PCSK6: variants seen among roughly 807,000 people sequenced by gnomAD.
PCSK6 encodes paired basic amino acid cleaving enzyme 4.
Under a neutral mutation model 123.3 loss-of-function variants are expected in PCSK6, and 85 were observed. The ratio of observed to expected loss-of-function variants is 0.69; its 90% CI spans 0.58 to 0.83. The LOEUF is 0.83. Among genes scored for constraint, PCSK6 ranks in the 40% least tolerant of loss-of-function variants. The probability of loss-of-function intolerance (pLI) is 0.00; values close to 1 mark genes in which losing one functional copy is unlikely to be tolerated. For synonymous variants in PCSK6, 508 were observed against 516.0 expected, an observed-to-expected ratio of 0.98 and a Z score of 0.21; for missense variants, 1,191 against 1,282.3, an observed-to-expected ratio of 0.93 and a Z score of 1.09.
rs544092462 is a variant in PCSK6, at chr15:101,411,383, T to C, written c.824-12807A>G. On this transcript the variant is annotated intron_variant, in intron 6 of 21. Transcript: ENST00000611716. ...TCCTAAGGCCAGAGCACCAGGACGA[T>C]GCCCTGGGAGCGGGGAGTCCGCCTC... Among the ~76,000 whole-genome samples the C allele has an allele frequency of 7.2e-5, 11 of 152,160 alleles. No individual in the cohort carries two copies. In the East Asian group the frequency reaches 1.9e-3, roughly 27 times the overall value.
At chr15:101,403,627 G>T (rs1235478582) in intron 6 of PCSK6, among the ~76,000 whole-genome samples, 1 of 152,168 alleles carries the variant, frequency 6.6e-6, no homozygotes, top group African/African-American at 2.4e-5. Flanking sequence ...CCCACTGGGG[G>T]CCTCTACTTC....
At chr15:101,459,213 A>T (rs2057270973) in intron 1 of PCSK6, among the ~76,000 whole-genome samples, 1 of 152,112 alleles carries the variant, frequency 6.6e-6, no homozygotes, top group African/African-American at 2.4e-5. Context: ...GCTTCCTCAC[A>T]CACCCTTGGC....
At chr15:101,429,702 A>G (rs1255445149) in intron 5 of PCSK6, among the ~76,000 whole-genome samples, 1 of 152,226 alleles carries the variant, frequency 6.6e-6, no homozygotes, top group African/African-American at 2.4e-5. Flanking sequence ...TCTCTTTTAA[A>G]ATATTTCAAG....
chr15:101,343,146 G>A (rs988756273), intron 13 of PCSK6, among the ~76,000 whole-genome samples: 2 of 151,952 alleles, frequency 1.3e-5, no homozygotes, highest in African/African-American at 4.8e-5. Context: ...TTTTTTCTTG[G>A]AATTTGTTCA....
At chr15:101,389,039 T>C (rs912058806) in intron 9 of PCSK6, among the ~76,000 whole-genome samples, 7 of 152,174 alleles carry the variant, frequency 4.6e-5, no homozygotes, top group Non-Finnish European at 8.8e-5. Context: ...ATGAGATTAT[T>C]AGGGTGGGCC....
intron 1 of PCSK6, among the ~76,000 whole-genome samples, chr15:101,444,014 T>C (rs934047936): frequency 4.6e-5 from 7 of 152,146 alleles, no homozygotes; most frequent in African/African-American, 4.8e-5. Context: ...AGTAGCTAAG[T>C]TGGTGTCAAG....
chr15:101,315,531 G>C lies in PCSK6; in HGVS notation c.2570-2026C>G, dbSNP rs564795159. On this transcript the variant is annotated intron_variant, in intron 19 of 21. Transcript: ENST00000611716. ...GGGCCCAGTATAAAGTGAAAACATG[G>C]AGCCTTTGTTCAGAAAGCTGGAAGA... Among the ~76,000 whole-genome samples, 26 of 152,364 alleles carry C rather than the reference G, an allele frequency of 1.7e-4. No homozygotes were observed. In the South Asian group the frequency reaches 5.4e-3, roughly 32 times the overall value.
rs115899959 is a variant in PCSK6, at chr15:101,436,024, C to T, written c.403-3924G>A. 4.7e-3 allele frequency among the ~76,000 whole-genome samples: 718 copies of T among 152,304 alleles called. 6 individuals are homozygous for T. The highest frequency in any genetic ancestry group is 0.016 in the African/African-American group (654 of 41,572). ...TATCATTCCCAGGTGTGACAAGCGA[C>T]AGGGGAGGGTGTTTTGAAACTTTCA... On this transcript the variant is annotated intron_variant, in intron 2 of 21. Transcript: ENST00000611716.
chr15:101,346,830 C>G (rs889329604), intron 13 of PCSK6: 1 of 1,231,352 alleles, frequency 8.1e-7, no homozygotes, highest in Non-Finnish European at 1.0e-6. Flanking sequence ...GATACAGAAC[C>G]GACTAAACAA....
chr15:101,473,479 C>T (rs1268083316), intron 1 of PCSK6, among the ~76,000 whole-genome samples: 1 of 152,098 alleles, frequency 6.6e-6, no homozygotes, highest in African/African-American at 2.4e-5. Flanking sequence ...CTGATTTGAC[C>T]AAATATCAGA....
At chr15:101,391,515 A>T (rs1157536969) in intron 8 of PCSK6, among the ~76,000 whole-genome samples, 2 of 152,214 alleles carry the variant, frequency 1.3e-5, no homozygotes, top group African/African-American at 4.8e-5. Flanking sequence ...CAGTGAACGA[A>T]CATACCCTCT....
chr15:101,375,729 T>C (rs1023199353), intron 11 of PCSK6, among the ~76,000 whole-genome samples: 1 of 152,138 alleles, frequency 6.6e-6, no homozygotes, highest in Non-Finnish European at 1.5e-5. Flanking sequence ...GCAGCTCTCA[T>C]GCCATAAATA....
chr15:101,423,784 A>C (rs2056162022), intron 6 of PCSK6, among the ~76,000 whole-genome samples: 2 of 152,198 alleles, frequency 1.3e-5, no homozygotes, highest in Non-Finnish European at 2.9e-5. Context: ...AAATATTGAC[A>C]ATTTTTTTTC....
chr15:101,407,025 C>G (rs1368457698), intron 6 of PCSK6, among the ~76,000 whole-genome samples: 1 of 152,116 alleles, frequency 6.6e-6, no homozygotes. Context: ...AGCTGTGTCA[C>G]GGACACAGGT....
chr15:101,489,159 TC>T lies in PCSK6; in HGVS notation c.297+214del, dbSNP rs1336085960. On this transcript the variant is annotated intron_variant, in intron 1 of 21. Transcript: ENST00000611716. Reference sequence around the variant, plus strand: ...CGTGGGCGCCCACGCGGGACCCCAGTCCCCCCCACCCCGCCGAGTGTCCCGC... The same window carrying T: ...CGTGGGCGCCCACGCGGGACCCCAGTCCCCCCACCCCGCCGAGTGTCCCGC... Among the ~76,000 whole-genome samples the T allele has an allele frequency of 3.1e-4, 10 of 32,612 alleles. 1 individual carries two copies. Among genetic ancestry groups the T allele is most frequent in the Admixed American group, 9.2e-4 (4 of 4,370 alleles). 21.4% of individuals were successfully genotyped at this position (32,612 alleles called of 152,430 possible).
Position 101,489,515 on chromosome 15 carries a change from CA to C in PCSK6, c.155del (p.Leu52ArgfsTer69), listed in dbSNP as rs1470537882. ...RPLAPRPWRW[L>X]LLLALPAACS... ...AGGCGGCAGGCAGCGCCAGCAGCAGCAGCCAGCGCCAGGGACGCGGCGCGAG... is the reference window on the plus strand; with the variant it reads ...AGGCGGCAGGCAGCGCCAGCAGCAGCGCCAGCGCCAGGGACGCGGCGCGAG... On this transcript the variant is annotated frameshift_variant, in exon 1 of 22. Coordinates refer to ENST00000611716, the MANE Select transcript of PCSK6 (RefSeq NM_002570.5). LOFTEE classifies it high-confidence loss of function. 4.8e-6 allele frequency: 5 copies of C among 1,034,896 alleles called. No individual in the cohort carries two copies. Among genetic ancestry groups the C allele is most frequent in the Non-Finnish European group, 5.8e-6 (5 of 864,422 alleles). 64.1% of individuals were successfully genotyped at this position (1,034,896 alleles called of 1,614,324 possible).
chr15:101,389,426 C>T (rs761679373), intron 9 of PCSK6, 38 bp downstream of exon 9: 23 of 1,237,460 alleles, frequency 1.9e-5, no homozygotes, highest in Non-Finnish European at 2.6e-5. Context: ...ACAATCTAAA[C>T]ATTTTTTTTT....
chr15:101,475,418 G>A (rs561552895), intron 1 of PCSK6, among the ~76,000 whole-genome samples: 2 of 152,138 alleles, frequency 1.3e-5, no homozygotes, highest in South Asian at 4.1e-4. Context: ...GAAAAAATGG[G>A]CAAAGAATAT....
At chr15:101,415,229 G>A (rs1044766257) in intron 6 of PCSK6, among the ~76,000 whole-genome samples, 1 of 152,240 alleles carries the variant, frequency 6.6e-6, no homozygotes, top group East Asian at 1.9e-4. Flanking sequence ...ACTTCTGAAT[G>A]AACTTGATAG....
Sources: allele counts gnomAD v4.1 joint callset (sites outside exome capture counted in the v4.1 genomes callset), GRCh38; gene constraint gnomAD v4.1.1; transcripts MANE v1.5; gene names NCBI Gene and HGNC (gene_info 2026-07-23, HGNC 2026-07-21).